GTF2IRD1: variants seen among roughly 807,000 people sequenced by gnomAD.
The protein encoded by GTF2IRD1 is GTF2I repeat domain containing 1, also known as general transcription factor II-I repeat domain-containing protein 1.
In GTF2IRD1, 26 loss-of-function variants were observed where a neutral mutation model predicts 113.2. The observed-to-expected ratio is 0.23, with a 90% CI of 0.17 to 0.32. GTF2IRD1 has a LOEUF of 0.32. Among genes scored for constraint, GTF2IRD1 ranks in the 10% least tolerant of loss-of-function variants. The probability of loss-of-function intolerance (pLI) is 1.00; values close to 1 mark genes in which losing one functional copy is unlikely to be tolerated. For missense variants in GTF2IRD1, 864 were observed against 1,280.8 expected (o/e 0.67, Z 4.97); for synonymous variants, 484 against 529.1 (o/e 0.91, Z 1.17).
At position 74,544,835 on chromosome 7, in the gene GTF2IRD1, C is replaced by G. The variant is rs1554352804; in HGVS notation, c.1666+33C>G. The G allele has an allele frequency of 8.3e-6, 13 of 1,563,850 alleles. No homozygotes were observed. The South Asian group carries it at 1.4e-4, about 17-fold the overall frequency. On this transcript the variant is annotated intron_variant, in intron 15 of 26. Coordinates refer to ENST00000424337, the MANE Select transcript of GTF2IRD1 (RefSeq NM_005685.4). ...CCTGTCTACCCCTGACATTTTACAC[C>G]CACCCCCACCCCATCTCTCTTCCCC...
In GTF2IRD1 at chr7:74,480,670, G is replaced by A. The variant is rs184799388; in HGVS notation, c.-7+26494G>A. Among the ~76,000 whole-genome samples, 708 of 152,306 alleles carry A rather than the reference G, an allele frequency of 4.6e-3. 1 individual carries two copies. The highest frequency in any genetic ancestry group is 7.4e-3 in the Non-Finnish European group (503 of 68,012). On this transcript the variant is annotated intron_variant, in intron 1 of 26. Transcript: ENST00000424337. ...GGGTGGAAACCTGAACCGCGGAGCC[G>A]TCTGCCCGGCGGATCCTGGCCTCCC...
rs1554350852 is a variant in GTF2IRD1 at position 74,538,674 on chromosome 7, T to C, written c.1448-6T>C. 6.4e-7 allele frequency: 1 copy of C among 1,560,222 alleles called. No individual in the cohort carries two copies. On this transcript the variant is annotated splice_region_variant and splice_polypyrimidine_tract_variant and intron_variant, in intron 12 of 26. Transcript: ENST00000424337. Reference sequence around the variant, plus strand: ...CTTGACAGGATTCTTCCTTTCCTCCTTGCAGGAACCTCCGGGGAGCTGGGC... The same window carrying C: ...CTTGACAGGATTCTTCCTTTCCTCCCTGCAGGAACCTCCGGGGAGCTGGGC...
intron 4 of GTF2IRD1, among the ~76,000 whole-genome samples, chr7:74,517,427 CTTTTTTTTTTTT>C (rs59499031): frequency 2.6e-5 from 2 of 77,402 alleles, no homozygotes; most frequent in Non-Finnish European, 5.2e-5. Context: ...CTCCCTACAC[CTTTTTTTTTTTT>C]TTTTTTTTTT....
At chr7:74,458,569 A>T (rs1554328092) in intron 1 of GTF2IRD1, among the ~76,000 whole-genome samples, 1 of 151,746 alleles carries the variant, frequency 6.6e-6, no homozygotes, top group East Asian at 1.9e-4. Flanking sequence ...GGTGTGGCAG[A>T]GGGGCTTTGG....
intron 1 of GTF2IRD1, among the ~76,000 whole-genome samples, chr7:74,495,442 T>G (rs895607835): frequency 6.6e-6 from 1 of 152,222 alleles, no homozygotes; most frequent in African/African-American, 2.4e-5. Context: ...GTCCCCTCTG[T>G]CTGGACTGCC....
intron 6 of GTF2IRD1, 94 bp from the exon 7 acceptor site, chr7:74,521,114 G>A: frequency 1.4e-6 from 1 of 713,620 alleles, no homozygotes; most frequent in Non-Finnish European, 2.5e-6. Context: ...AGATGAGGCT[G>A]TTACCCCAGA....
At chr7:74,455,447 G>C (rs1383545708) in intron 1 of GTF2IRD1, among the ~76,000 whole-genome samples, 1 of 152,210 alleles carries the variant, frequency 6.6e-6, no homozygotes, top group African/African-American at 2.4e-5. Flanking sequence ...GCACTGGCCC[G>C]GGGCCTTGGG....
intron 3 of GTF2IRD1, 146 bp downstream of exon 3, chr7:74,513,117 G>A (rs1354341695): frequency 2.6e-6 from 2 of 776,658 alleles, no homozygotes; most frequent in Non-Finnish European, 4.1e-6. Context: ...TGAGATTCCC[G>A]ATGTGGTGTT....
At position 74,524,102 on chromosome 7, in the gene GTF2IRD1, G is replaced by A. The variant is rs1554346662; in HGVS notation, c.1038G>A (p.Glu346=). 5 of 1,613,248 alleles carry A rather than the reference G, an allele frequency of 3.1e-6. No homozygotes were observed. The highest frequency in any genetic ancestry group is 4.2e-6 in the Non-Finnish European group (5 of 1,179,568). ...EKWDAFIKET[E]DINTLRECVQ... ...GGGACGCCTTCATAAAGGAAACCGAGGACATCAACACGCTCCGGGAGTGTG... is the reference window on the plus strand; with the variant it reads ...GGGACGCCTTCATAAAGGAAACCGAAGACATCAACACGCTCCGGGAGTGTG... Residue 346 remains glutamate (E), a synonymous_variant, in exon 8 of 27, where the codon GAG becomes GAA. Transcript: ENST00000424337.
chr7:74,559,193 G>A, intron 21 of GTF2IRD1, 149 bp downstream of exon 21: 1 of 725,362 alleles, frequency 1.4e-6, no homozygotes, highest in Admixed American at 3.0e-5. Context: ...GGGGTGGTTG[G>A]AGAGGGACTG....
At chr7:74,486,810 A>G (rs1795054797) in intron 1 of GTF2IRD1, among the ~76,000 whole-genome samples, 1 of 149,044 alleles carries the variant, frequency 6.7e-6, no homozygotes, top group Non-Finnish European at 1.5e-5. Flanking sequence ...TGTCTCTACA[A>G]AAAAAAAAAA....
chr7:74,508,033 C>G, intron 1 of GTF2IRD1, 42 bp from the exon 2 acceptor site: 1 of 1,578,080 alleles, frequency 6.3e-7, no homozygotes, highest in South Asian at 1.2e-5. Context: ...AGACAAGCCC[C>G]CTGCCTTGTG....
chr7:74,531,398 A>G (rs1470539319), intron 9 of GTF2IRD1, among the ~76,000 whole-genome samples: 1 of 152,172 alleles, frequency 6.6e-6, no homozygotes. Flanking sequence ...TAGAATAACC[A>G]GGCCTGATAA....
At chr7:74,531,875 C>G (rs897719886) in intron 9 of GTF2IRD1, among the ~76,000 whole-genome samples, 1 of 152,094 alleles carries the variant, frequency 6.6e-6, no homozygotes, top group Admixed American at 6.6e-5. Flanking sequence ...CACCTCTGCC[C>G]CAACCCCAAC....
intron 9 of GTF2IRD1, among the ~76,000 whole-genome samples, chr7:74,533,556 G>T (rs1460613960): frequency 6.6e-6 from 1 of 152,166 alleles, no homozygotes; most frequent in Non-Finnish European, 1.5e-5. Context: ...GGCACCTGTT[G>T]CCCACAGGGT....
At chr7:74,582,083 G>GCTAA (rs148018564) in intron 22 of GTF2IRD1, among the ~76,000 whole-genome samples, 2,148 of 152,288 alleles carry the variant, frequency 0.014, 59 homozygotes, top group African/African-American at 0.049. Flanking sequence ...CTCCCTCAGG[G>GCTAA]CTAACCAGGG....
At chr7:74,598,876 C>T (rs1257257644) in intron 25 of GTF2IRD1, among the ~76,000 whole-genome samples, 1 of 152,168 alleles carries the variant, frequency 6.6e-6, no homozygotes, top group African/African-American at 2.4e-5. Context: ...CTCCTCCTGC[C>T]TCCAGGGTCT....
At chr7:74,511,872 C>T (rs1796657551) in intron 2 of GTF2IRD1, among the ~76,000 whole-genome samples, 1 of 152,174 alleles carries the variant, frequency 6.6e-6, no homozygotes, top group South Asian at 2.1e-4. Context: ...GTTGTAGGGA[C>T]CCCCTACATT....
intron 6 of GTF2IRD1, among the ~76,000 whole-genome samples, chr7:74,520,932 A>G (rs10271551): frequency 0.24 from 36,625 of 149,956 alleles, 5,235 homozygotes; most frequent in African/African-American, 0.39. Flanking sequence ...AGGGCTTCGA[A>G]CTTATACATG....
Sources: allele counts gnomAD v4.1 joint callset (sites outside exome capture counted in the v4.1 genomes callset), GRCh38; gene constraint gnomAD v4.1.1; transcripts MANE v1.5; gene names NCBI Gene and HGNC (gene_info 2026-07-23, HGNC 2026-07-21).